Variants in SLCO1B1 observed in about 807,000 individuals in gnomAD.
SLCO1B1 encodes the protein solute carrier organic anion transporter family member 1B1, also known as OATP-2.
Under a neutral mutation model 70.1 loss-of-function variants are expected in SLCO1B1, and 81 were observed. That is an observed-to-expected ratio of 1.16 (90% CI 0.97 to 1.39). The LOEUF (loss-of-function observed/expected upper bound fraction) is 1.39. Ranked by LOEUF, SLCO1B1 falls within the 40% of genes most tolerant of loss-of-function variation. SLCO1B1 has a pLI of 0.00. For synonymous variants in SLCO1B1, 283 were observed against 271.5 expected (o/e 1.04, Z -0.42); for missense variants, 895 against 799.6 (o/e 1.12, Z -1.44).
chr12:21,171,652 G>A (rs1036208959), intron 2 of SLCO1B1, among the ~76,000 whole-genome samples: 31 of 152,148 alleles, frequency 2.0e-4, no homozygotes, highest in African/African-American at 6.0e-4. Context: ...AGAAGAGGTC[G>A]TTTAGTCAGT....
intron 2 of SLCO1B1, among the ~76,000 whole-genome samples, chr12:21,148,059 GTTTC>G (rs1417538965): frequency 3.3e-5 from 5 of 152,086 alleles, no homozygotes; most frequent in Admixed American, 2.0e-4. Flanking sequence ...GGCATTGTTT[GTTTC>G]TTTCTTGTAA....
In SLCO1B1 at chr12:21,147,144, T is replaced by C. The variant is rs187924408; in HGVS notation, c.84+5486T>C. On this transcript the variant is annotated intron_variant, in intron 2 of 14. Transcript: ENST00000256958. ...AAGAAGTGTTATGTTTTCTTAAGAA[T>C]TGACCCCTTTAACATTTTGTAATGC... 7.9e-5 allele frequency among the ~76,000 whole-genome samples: 12 copies of C among 152,304 alleles called. No individual in the cohort carries two copies. In the East Asian group the frequency reaches 1.4e-3, roughly 17 times the overall value.
chr12:21,135,254 C>G (rs144832874), intron 1 of SLCO1B1, among the ~76,000 whole-genome samples: 94 of 152,242 alleles, frequency 6.2e-4, no homozygotes, highest in Middle Eastern at 3.4e-3. Context: ...TTACTTCCAA[C>G]TATGTGGTCA....
chr12:21,177,059 C>CTA (rs879791242), intron 5 of SLCO1B1, among the ~76,000 whole-genome samples, 162 bp downstream of exon 5: 2 of 152,122 alleles, frequency 1.3e-5, no homozygotes, highest in Non-Finnish European at 2.9e-5. Context: ...ACACAGTTCG[C>CTA]CCATTAACAA....
At chr12:21,170,014 T>TC (rs1471115045) in intron 2 of SLCO1B1, among the ~76,000 whole-genome samples, 1 of 152,156 alleles carries the variant, frequency 6.6e-6, no homozygotes, top group Non-Finnish European at 1.5e-5. Context: ...TAGAAGACCC[T>TC]CCCCTGGGGC....
chr12:21,146,182 G>T lies in SLCO1B1; in HGVS notation c.84+4524G>T, dbSNP rs186066400. Among the ~76,000 whole-genome samples the T allele has an allele frequency of 1.4e-4, 21 of 151,822 alleles. No homozygotes were observed. In the East Asian group the frequency reaches 4.1e-3, roughly 29 times the overall value. ...ATTCTTGTACAAAATTGGGTAGATC[G>T]TGTCTTTCAATATATTGGTCTATTT... On this transcript the variant is annotated intron_variant, in intron 2 of 14. Transcript: ENST00000256958.
chr12:21,134,275 G>T lies in SLCO1B1; in HGVS notation c.-62+3039G>T, dbSNP rs189855792. On this transcript the variant is annotated intron_variant, in intron 1 of 14. Transcript: ENST00000256958. ...GATTTTTGCATCAATGTTCATCAAGGATATTGGTCTAAAATTCTCTTTTTT... is the reference window on the plus strand; with the variant it reads ...GATTTTTGCATCAATGTTCATCAAGTATATTGGTCTAAAATTCTCTTTTTT... Among the ~76,000 whole-genome samples, 4 of 152,306 alleles carry T rather than the reference G, an allele frequency of 2.6e-5. No individual in the cohort carries two copies. The East Asian group carries it at 7.7e-4, about 29-fold the overall frequency.
Position 21,177,404 on chromosome 12 carries a change from C to T in SLCO1B1, c.481+507C>T, listed in dbSNP as rs4149047. ...AAATAATATAACTTTGCTTTCATTG[C>T]AAAAGGCAAACTATTATATCATTTA... On this transcript the variant is annotated intron_variant, in intron 5 of 14. Coordinates refer to ENST00000256958, the MANE Select transcript of SLCO1B1 (RefSeq NM_006446.5). Among the ~76,000 whole-genome samples the T allele has an allele frequency of 1.1e-3, 160 of 152,128 alleles. 2 individuals are homozygous for T. The East Asian group carries it at 0.028, about 27-fold the overall frequency.
rs530908251 is a variant in SLCO1B1, at chr12:21,238,434, G to C, written c.1866-545G>C. 2.0e-5 allele frequency among the ~76,000 whole-genome samples: 3 copies of C among 151,580 alleles called. No homozygotes were observed. In the South Asian group the frequency reaches 6.3e-4, roughly 32 times the overall value. On this transcript the variant is annotated intron_variant, in intron 14 of 14. Coordinates refer to ENST00000256958, the MANE Select transcript of SLCO1B1 (RefSeq NM_006446.5). ...AATTTCCACGTCCCGGACATATCTA[G>C]GTCTGGTTTAAAGCTTACTTATTCC... is the stretch of plus-strand genomic sequence containing the variant.
At chr12:21,210,888 T>G (rs551026696) in intron 11 of SLCO1B1, among the ~76,000 whole-genome samples, 82 of 152,086 alleles carry the variant, frequency 5.4e-4, no homozygotes, top group African/African-American at 1.9e-3. Context: ...TAGGAATGCT[T>G]GTGATTTTTG....
intron 12 of SLCO1B1, among the ~76,000 whole-genome samples, chr12:21,218,343 G>T (rs1208343825): frequency 6.6e-6 from 1 of 151,948 alleles, no homozygotes; most frequent in Non-Finnish European, 1.5e-5. Context: ...ATTGCTTTTA[G>T]ATCTTAAAAA....
chr12:21,189,893 T>C (rs925475844), intron 7 of SLCO1B1, among the ~76,000 whole-genome samples: 1 of 152,244 alleles, frequency 6.6e-6, no homozygotes, highest in African/African-American at 2.4e-5. Flanking sequence ...TCTCTCAGCA[T>C]ATTTCAAAAA....
chr12:21,145,044 T>C (rs530996044), intron 2 of SLCO1B1, among the ~76,000 whole-genome samples: 145 of 152,188 alleles, frequency 9.5e-4, no homozygotes, highest in Non-Finnish European at 1.8e-3. Flanking sequence ...TATGACAGAA[T>C]CAAATCCTCA....
chr12:21,157,319 A>G (rs2121070834), intron 2 of SLCO1B1, among the ~76,000 whole-genome samples: 1 of 152,256 alleles, frequency 6.6e-6, no homozygotes, highest in Admixed American at 6.5e-5. Context: ...TAGAAGAAAA[A>G]AGAAGGAAAA....
At position 21,195,321 on chromosome 12, in the gene SLCO1B1, C is replaced by T. The variant is rs562357875; in HGVS notation, c.728-1625C>T. On this transcript the variant is annotated intron_variant, in intron 7 of 14. Transcript: ENST00000256958. The stretch of plus-strand genomic sequence containing the variant: ...CTTTTAGACAGTGGACAGAGAAGCC[C>T]GTCACTTGGTCAACTCCCAGAAAAT... 6.6e-5 allele frequency among the ~76,000 whole-genome samples: 10 copies of T among 152,262 alleles called. No homozygotes were observed. The East Asian group carries it at 1.2e-3, about 18-fold the overall frequency.
chr12:21,223,627 ACT>A (rs1457179715), intron 13 of SLCO1B1, among the ~76,000 whole-genome samples: 1 of 151,896 alleles, frequency 6.6e-6, no homozygotes, highest in Non-Finnish European at 1.5e-5. Flanking sequence ...AATATTTCTC[ACT>A]CTCAAAAAAT....
chr12:21,182,369 G>T (rs1213735225), intron 7 of SLCO1B1, among the ~76,000 whole-genome samples: 1 of 152,148 alleles, frequency 6.6e-6, no homozygotes, highest in East Asian at 1.9e-4. Flanking sequence ...AACCCAGGGG[G>T]TTTTGCATGT....
At chr12:21,195,271 T>A (rs978652810) in intron 7 of SLCO1B1, among the ~76,000 whole-genome samples, 16 of 152,308 alleles carry the variant, frequency 1.1e-4, no homozygotes, top group African/African-American at 3.8e-4. Flanking sequence ...TTTCAGAATC[T>A]AGAGTATGTA....
intron 14 of SLCO1B1, 97 bp from the exon 15 acceptor site, chr12:21,238,882 A>AT (rs921180989): frequency 2.9e-5 from 19 of 663,918 alleles, no homozygotes; most frequent in African/African-American, 7.5e-5. Flanking sequence ...TTTATTTATA[A>AT]TTTTTTTTCT....
Sources: allele counts gnomAD v4.1 joint callset (sites outside exome capture counted in the v4.1 genomes callset), GRCh38; gene constraint gnomAD v4.1.1; transcripts MANE v1.5; gene names NCBI Gene and HGNC (gene_info 2026-07-23, HGNC 2026-07-21).